SOX5: variants seen among roughly 807,000 people sequenced by gnomAD.
SOX5 encodes SRY-box transcription factor 5.
Under a neutral mutation model 92.0 loss-of-function variants are expected in SOX5, and 9 were observed. That is an observed-to-expected ratio of 0.10 (90% CI 0.06 to 0.17). SOX5 has a LOEUF of 0.17. Ranked by LOEUF, SOX5 falls within the 10% of genes least tolerant of loss-of-function variation. SOX5 has a pLI of 1.00. For missense variants in SOX5, 642 were observed against 944.5 expected (o/e 0.68, Z 4.20); for synonymous variants, 344 against 336.3 (o/e 1.02, Z -0.25).
intron 1 of SOX5, among the ~76,000 whole-genome samples, chr12:24,505,688 G>A (rs1948644615): frequency 6.6e-6 from 1 of 152,142 alleles, no homozygotes; most frequent in Non-Finnish European, 1.5e-5. Flanking sequence ...TTAATTTTAT[G>A]GGCAATTATT....
chr12:23,648,400 G>C (rs1048858707), intron 7 of SOX5, among the ~76,000 whole-genome samples: 1 of 152,158 alleles, frequency 6.6e-6, no homozygotes, highest in African/African-American at 2.4e-5. Context: ...ATTGAATTAT[G>C]TCTGTCTACA....
intron 3 of SOX5, among the ~76,000 whole-genome samples, chr12:24,265,883 C>T (rs1942931489): frequency 6.6e-6 from 1 of 152,008 alleles, no homozygotes; most frequent in Non-Finnish European, 1.5e-5. Context: ...CATACACGAC[C>T]ACCACAATTT....
In SOX5 at chr12:24,372,319, C is replaced by T. The variant is rs181943859; in HGVS notation, c.-250-3680G>A. On this transcript the variant is annotated intron_variant, in intron 1 of 4. Coordinates refer to the SOX5 transcript ENST00000446891. ...CCCAACAGGCCCCAGTGTGTGATGC[C>T]GCCTACTCCTGTGTCCATGTGTTCT... Among the ~76,000 whole-genome samples, 175 of 152,178 alleles carry T rather than the reference C, an allele frequency of 1.1e-3. 1 individual carries two copies. Among genetic ancestry groups the T allele is most frequent in the Middle Eastern group, 6.8e-3 (2 of 294 alleles).
chr12:24,155,892 CAGG>C (rs887098274), intron 4 of SOX5, among the ~76,000 whole-genome samples: 4 of 152,136 alleles, frequency 2.6e-5, no homozygotes, highest in African/African-American at 9.7e-5. Context: ...GGAACAGTAG[CAGG>C]AGGTGACAGT....
chr12:24,132,168 G>T (rs1324650632), intron 4 of SOX5, among the ~76,000 whole-genome samples: 1 of 139,174 alleles, frequency 7.2e-6, no homozygotes, highest in African/African-American at 2.7e-5. Flanking sequence ...CAAGTAGTCT[G>T]CTATGGGTTG....
At chr12:24,177,616 T>G (rs1593963193) in intron 4 of SOX5, among the ~76,000 whole-genome samples, 2 of 152,334 alleles carry the variant, frequency 1.3e-5, no homozygotes, top group South Asian at 4.1e-4. Context: ...CAACTCTTTC[T>G]CCCATAAGTA....
intron 2 of SOX5, among the ~76,000 whole-genome samples, chr12:24,281,487 C>T (rs1309183801): frequency 1.3e-5 from 2 of 152,174 alleles, no homozygotes; most frequent in Admixed American, 6.5e-5. Flanking sequence ...ACGGCTGGGC[C>T]GCCCTGCACT....
At chr12:23,626,477 T>C (rs1437803175) in intron 8 of SOX5, among the ~76,000 whole-genome samples, 1 of 152,120 alleles carries the variant, frequency 6.6e-6, no homozygotes, top group Non-Finnish European at 1.5e-5. Context: ...GGATCTTCAG[T>C]GCTGGCTTGA....
At chr12:24,002,975 G>A (rs1469059535) in intron 4 of SOX5, among the ~76,000 whole-genome samples, 3 of 152,012 alleles carry the variant, frequency 2.0e-5, no homozygotes, top group Admixed American at 6.6e-5. Flanking sequence ...AGTTATAAGT[G>A]GAATTTATCC....
chr12:24,097,754 C>T (rs375916381), intron 4 of SOX5, among the ~76,000 whole-genome samples: 1 of 152,122 alleles, frequency 6.6e-6, no homozygotes, highest in South Asian at 2.1e-4. Context: ...ACTGATCGCA[C>T]TGTCATTTGA....
At chr12:23,863,173 C>T (rs2096774583) in intron 2 of SOX5, among the ~76,000 whole-genome samples, 1 of 152,042 alleles carries the variant, frequency 6.6e-6, no homozygotes, top group African/African-American at 2.4e-5. Flanking sequence ...TTACTTTTTC[C>T]ATGGCAATAT....
At chr12:24,390,887 C>T (rs565880833) in intron 1 of SOX5, among the ~76,000 whole-genome samples, 2 of 152,286 alleles carry the variant, frequency 1.3e-5, no homozygotes, top group East Asian at 3.9e-4. Context: ...CTGTGATAAA[C>T]ATGCGAATGC....
At chr12:24,503,315 G>A (rs1384378312) in intron 1 of SOX5, among the ~76,000 whole-genome samples, 1 of 152,182 alleles carries the variant, frequency 6.6e-6, no homozygotes, top group Non-Finnish European at 1.5e-5. Flanking sequence ...GAGGGTCACT[G>A]GAAGCCAGAA....
At chr12:23,939,572 A>G (rs1943229665) in intron 1 of SOX5, among the ~76,000 whole-genome samples, 1 of 151,008 alleles carries the variant, frequency 6.6e-6, no homozygotes, top group Non-Finnish European at 1.5e-5. Flanking sequence ...ACTAATTTGT[A>G]CAAAGATTTC....
chr12:23,660,368 C>T (rs932567434), intron 7 of SOX5, among the ~76,000 whole-genome samples: 2 of 152,038 alleles, frequency 1.3e-5, no homozygotes, highest in Admixed American at 6.5e-5. Context: ...CTTATTACAC[C>T]ATTGTGTAGA....
chr12:24,261,903 A>C (rs1010420120), intron 3 of SOX5, among the ~76,000 whole-genome samples: 13 of 152,368 alleles, frequency 8.5e-5, no homozygotes, highest in Middle Eastern at 3.4e-3. Context: ...GAAATATACC[A>C]AAAAATATCA....
intron 1 of SOX5, among the ~76,000 whole-genome samples, chr12:24,406,084 G>A (rs1017047824): frequency 6.6e-6 from 1 of 152,170 alleles, no homozygotes; most frequent in Non-Finnish European, 1.5e-5. Flanking sequence ...GCTAGGAGCA[G>A]CTCTGCAATC....
intron 2 of SOX5, among the ~76,000 whole-genome samples, chr12:24,364,376 TTACAG>T (rs1955920659): frequency 6.6e-6 from 1 of 151,814 alleles, no homozygotes; most frequent in Non-Finnish European, 1.5e-5. Flanking sequence ...TGGATTTTTC[TTACAG>T]TATTTTGATG....
intron 1 of SOX5, among the ~76,000 whole-genome samples, chr12:24,428,811 T>C (rs1020900108): frequency 7.1e-6 from 1 of 140,284 alleles, no homozygotes; most frequent in African/African-American, 2.6e-5. Flanking sequence ...ACCATCATTC[T>C]ACAACGATTT....
Sources: allele counts gnomAD v4.1 joint callset (sites outside exome capture counted in the v4.1 genomes callset), GRCh38; gene constraint gnomAD v4.1.1; transcripts MANE v1.5; gene names NCBI Gene and HGNC (gene_info 2026-07-23, HGNC 2026-07-21).